RCAN1: variants seen among roughly 807,000 people sequenced by gnomAD.
RCAN1 encodes the protein calcipressin-1.
In RCAN1, 11 loss-of-function variants were observed where a neutral mutation model predicts 22.9. That is an observed-to-expected ratio of 0.48 (90% CI 0.30 to 0.79). The LOEUF (loss-of-function observed/expected upper bound fraction) is 0.79, where lower values mean the gene tolerates loss of function less well. RCAN1 is among the 30% of genes least tolerant of loss of function. The pLI is 0.06. For missense variants in RCAN1, 291 were observed against 337.8 expected (o/e 0.86, Z 1.09); for synonymous variants, 136 against 142.3 (o/e 0.96, Z 0.32).
At chr21:34,608,372 C>T (rs776457924) in intron 1 of RCAN1, among the ~76,000 whole-genome samples, 2 of 152,146 alleles carry the variant, frequency 1.3e-5, no homozygotes, top group African/African-American at 4.8e-5. Context: ...CTTACCGACT[C>T]GCTTCTCAGG....
intron 1 of RCAN1, among the ~76,000 whole-genome samples, chr21:34,605,560 A>G (rs1988497178): frequency 6.6e-6 from 1 of 152,226 alleles, no homozygotes; most frequent in Non-Finnish European, 1.5e-5. Flanking sequence ...TCACAGAGCT[A>G]TCCTAGGATT....
At chr21:34,558,139 C>T (rs1014017840) in intron 1 of RCAN1, among the ~76,000 whole-genome samples, 18 of 152,102 alleles carry the variant, frequency 1.2e-4, no homozygotes, top group Non-Finnish European at 8.8e-5. Flanking sequence ...TTCATGCTGC[C>T]GACCATTCAC....
intron 1 of RCAN1, among the ~76,000 whole-genome samples, chr21:34,535,918 A>C (rs1242777021): frequency 6.6e-6 from 1 of 152,110 alleles, no homozygotes; most frequent in African/African-American, 2.4e-5. Context: ...AAAAAGAATA[A>C]AAAAGAAAAG....
rs751596805 is a variant in RCAN1 at position 34,518,143 on chromosome 21, G to A, written c.700C>T (p.Pro234Ser). ...EEEEMERMRR[P>S]KPKIIQTRRP... The stretch of plus-strand genomic sequence containing the variant: ...CTGGTCTGGATAATTTTTGGCTTAG[G>A]TCTCCTCATTCTTTCCATTTCCTCT... Residue 234 changes from proline (P) to serine (S), a missense_variant, in exon 4 of 4, where the codon CCT becomes TCT. Physicochemically the swap from Pro to Ser is moderately conservative, Grantham distance 74. Transcript: ENST00000313806. The surrounding 1 kb of genome is among the most constrained non-coding windows in gnomAD (Gnocchi z 4.2). The A allele has an allele frequency of 1.9e-6, 3 of 1,614,032 alleles. No individual in the cohort carries two copies. The African/African-American group carries it at 4.0e-5, about 22-fold the overall frequency.
chr21:34,518,700 G>A lies in RCAN1; in HGVS notation c.587-444C>T, dbSNP rs1035846422. 6.6e-6 allele frequency among the ~76,000 whole-genome samples: 1 copy of A among 152,240 alleles called. No homozygotes were observed. Among genetic ancestry groups the A allele is most frequent in the Non-Finnish European group, 1.5e-5 (1 of 68,050 alleles). The stretch of plus-strand genomic sequence containing the variant: ...GCAGCTCCTATTTGAGGGTCGCAGT[G>A]CACGCCCAGGAAGGGCGCCACAGGA... On this transcript the variant is annotated intron_variant, in intron 3 of 3. Coordinates refer to ENST00000313806, the MANE Select transcript of RCAN1 (RefSeq NM_004414.7). The surrounding 1 kb of genome is among the most constrained non-coding windows in gnomAD (Gnocchi z 4.2).
chr21:34,614,817 G>A lies in RCAN1; in HGVS notation c.195C>T (p.Pro65=). ...CCAGGTGACAGGCGATGGTGGCGCT[G>A]GGCAGGTCCTGCAGGTCCACCTCCT... ...EMEEVDLQDL[P]SATIACHLDP... is the part of the protein sequence containing the mutation. The change falls in exon 1 of 4, where the codon CCC becomes CCT. Residue 65 remains proline, a synonymous_variant. Coordinates refer to ENST00000313806, the MANE Select transcript of RCAN1 (RefSeq NM_004414.7). This position sits in a 1 kb window ranked among gnomAD's most constrained non-coding sequence, Gnocchi z 6.0. The A allele has an allele frequency of 6.7e-7, 1 of 1,491,332 alleles. No homozygotes were observed. The highest frequency in any genetic ancestry group is 8.9e-7 in the Non-Finnish European group (1 of 1,119,156). 92.4% of individuals were successfully genotyped at this position (1,491,332 alleles called of 1,614,324 possible).
At chr21:34,526,700 A>C in intron 1 of RCAN1, 1 of 1,613,756 alleles carries the variant, frequency 6.2e-7, no homozygotes, top group Non-Finnish European at 8.5e-7. Flanking sequence ...ACTGTTTGCC[A>C]CACAGGCAAT....
chr21:34,537,905 T>C (rs1985745669), intron 1 of RCAN1, among the ~76,000 whole-genome samples: 1 of 152,196 alleles, frequency 6.6e-6, no homozygotes, highest in African/African-American at 2.4e-5. Flanking sequence ...GGTGACTCCC[T>C]GGGCATCTGT....
chr21:34,593,748 C>T (rs941844552), intron 1 of RCAN1, among the ~76,000 whole-genome samples: 7 of 152,080 alleles, frequency 4.6e-5, no homozygotes, highest in Admixed American at 2.6e-4. Flanking sequence ...GCATGGTTTC[C>T]GGAGTAGGAA....
intron 1 of RCAN1, chr21:34,613,792 C>G (rs185485114): frequency 6.7e-7 from 1 of 1,502,564 alleles, no homozygotes; most frequent in African/African-American, 1.4e-5. Flanking sequence ...CTTACATACA[C>G]CATTCTGTTT....
rs186042600 is a variant in RCAN1 at position 34,557,236 on chromosome 21, A to T, written c.253-33526T>A. On this transcript the variant is annotated intron_variant, in intron 1 of 3. Coordinates refer to ENST00000313806, the MANE Select transcript of RCAN1 (RefSeq NM_004414.7). ...TCGAAAAATAAAATAAAATTAAATT[A>T]AATTTAAAAAAGCTGTGAAGACCAC... Among the ~76,000 whole-genome samples the T allele has an allele frequency of 3.1e-3, 476 of 152,332 alleles. 3 individuals carry two copies. Among genetic ancestry groups the T allele is most frequent in the African/African-American group, 0.011 (454 of 41,568 alleles).
chr21:34,590,308 T>C (rs754715789), intron 1 of RCAN1, among the ~76,000 whole-genome samples: 1 of 152,260 alleles, frequency 6.6e-6, no homozygotes, highest in African/African-American at 2.4e-5. Context: ...GTCTCTCCCA[T>C]GAAAATGTGC....
intron 1 of RCAN1, among the ~76,000 whole-genome samples, chr21:34,536,530 G>A (rs771819712): frequency 1.3e-4 from 20 of 152,070 alleles, no homozygotes; most frequent in Non-Finnish European, 2.5e-4. Flanking sequence ...TCCTTCACAC[G>A]CAAAGTAGGA....
Position 34,614,768 on chromosome 21 carries a change from G to A in RCAN1, c.244C>T (p.Leu82=). Residue 82 remains leucine, a synonymous_variant, in exon 1 of 4, where the codon CTG becomes TTG. Coordinates refer to ENST00000313806, the MANE Select transcript of RCAN1 (RefSeq NM_004414.7). The surrounding 1 kb of genome is among the most constrained non-coding windows in gnomAD (Gnocchi z 6.0). ...CCCGGCGCGGTCCTCACCCGGCACA[G>A]GCCGTCCACGAACACGCGCGGGTCC... ...HLDPRVFVDG[L]CRAKFESLFR... is the part of the protein sequence containing the mutation. 6.9e-7 allele frequency: 1 copy of A among 1,450,068 alleles called. No homozygotes were observed. The highest frequency in any genetic ancestry group is 1.3e-5 in the South Asian group (1 of 78,360). The allele number at this position is 1,450,068 out of a possible 1,614,324, so 89.8% of individuals were successfully genotyped here.
At chr21:34,602,188 CTT>C (rs1988375954) in intron 1 of RCAN1, among the ~76,000 whole-genome samples, 1 of 152,174 alleles carries the variant, frequency 6.6e-6, no homozygotes, top group Non-Finnish European at 1.5e-5. Context: ...ATCTAGACCT[CTT>C]TACAGACACA....
rs180754165 is a variant in RCAN1, at chr21:34,577,379, T to G, written c.252+37381A>C. 2.1e-3 allele frequency among the ~76,000 whole-genome samples: 313 copies of G among 152,158 alleles called. 1 individual carries two copies. Among genetic ancestry groups the G allele is most frequent in the African/African-American group, 7.2e-3 (299 of 41,522 alleles). On this transcript the variant is annotated intron_variant, in intron 1 of 3. Coordinates refer to ENST00000313806, the MANE Select transcript of RCAN1 (RefSeq NM_004414.7). ...TTGAGAGGTGGAGGTGGGTGGATCC[T>G]TTGAGCCCAGGAGTTTGAGATCAGC...
At chr21:34,603,190 C>G (rs74425153) in intron 1 of RCAN1, among the ~76,000 whole-genome samples, 2 of 152,344 alleles carry the variant, frequency 1.3e-5, no homozygotes, top group Non-Finnish European at 2.9e-5. Context: ...AACCAGCAAG[C>G]TCCACTGCAG....
At chr21:34,524,176 G>A (rs1984828060) in intron 1 of RCAN1, 1 of 153,848 alleles carries the variant, frequency 6.5e-6, no homozygotes, top group Non-Finnish European at 1.5e-5. Context: ...AGGGGACTAT[G>A]GCCTTTAGTC....
At chr21:34,604,065 A>T (rs756960628) in intron 1 of RCAN1, among the ~76,000 whole-genome samples, 1 of 152,226 alleles carries the variant, frequency 6.6e-6, no homozygotes, top group Non-Finnish European at 1.5e-5. Context: ...ATTTTACTCA[A>T]GTGATCTGGC....
Sources: gnomAD v4.1 joint callset for allele counts (sites outside exome capture counted in the v4.1 genomes callset) on GRCh38, gnomAD v4.1.1 for gene constraint, Gnocchi (gnomAD v3.1) non-coding constraint, MANE v1.5 for transcripts, NCBI Gene and HGNC (gene_info 2026-07-23, HGNC 2026-07-21) for gene names.